The following DPY19L4 variants were observed in gnomAD, a reference collection of about 807,000 sequenced individuals.
DPY19L4 encodes dpy-19 like 4.
DPY19L4 carries 97 observed loss-of-function variants against 102.8 expected under a neutral mutation model. That is an observed-to-expected ratio of 0.94 (90% CI 0.80 to 1.12). The LOEUF (loss-of-function observed/expected upper bound fraction) is 1.12. Ranked by LOEUF, DPY19L4 falls within the 50% of genes most tolerant of loss-of-function variation. DPY19L4 has a pLI of 0.00. For synonymous variants in DPY19L4, 252 were observed against 283.1 expected (o/e 0.89, Z 1.10); for missense variants, 815 against 850.4 (o/e 0.96, Z 0.52).
At chr8:94,748,396 C>T (rs1008515974) in intron 6 of DPY19L4, among the ~76,000 whole-genome samples, 3 of 152,124 alleles carry the variant, frequency 2.0e-5, no homozygotes, top group Admixed American at 6.6e-5. Flanking sequence ...GGAGTGGTTG[C>T]TGGGGTCCTT....
chr8:94,725,544 T>C (rs1405870151), intron 1 of DPY19L4, among the ~76,000 whole-genome samples: 1 of 152,192 alleles, frequency 6.6e-6, no homozygotes, highest in Admixed American at 6.5e-5. Context: ...ATCTATAAGA[T>C]TGTACAATGC....
chr8:94,732,963 A>G (rs1320245529), intron 2 of DPY19L4, among the ~76,000 whole-genome samples: 1 of 151,548 alleles, frequency 6.6e-6, no homozygotes, highest in African/African-American at 2.4e-5. Flanking sequence ...GGCACCCGCC[A>G]CCACCACATG....
chr8:94,777,727 G>C lies in DPY19L4; in HGVS notation c.1516G>C (p.Glu506Gln). ...MLAAFGVCSPELWMTLFKWLR... is the reference protein window; with the variant it reads ...MLAAFGVCSPQLWMTLFKWLR... ...AGCAGCATTTGGTGTATGTTCTCCCGAACTTTGGATGACACTTTTCAAGTG... is the reference window on the plus strand; with the variant it reads ...AGCAGCATTTGGTGTATGTTCTCCCCAACTTTGGATGACACTTTTCAAGTG... Residue 506 changes from glutamate (E) to glutamine (Q), a missense_variant, in exon 14 of 19, where the codon GAA (glutamate) becomes CAA (glutamine). Coordinates refer to ENST00000414645, the MANE Select transcript of DPY19L4 (RefSeq NM_181787.3). 6.2e-7 allele frequency: 1 copy of C among 1,613,960 alleles called. No homozygotes were observed.
Position 94,787,991 on chromosome 8 carries a change from A to G in DPY19L4, c.1946A>G (p.Asn649Ser), listed in dbSNP as rs138032429. 12 of 1,522,286 alleles carry G rather than the reference A, an allele frequency of 7.9e-6. No homozygotes were observed. Among genetic ancestry groups the G allele is most frequent in the Admixed American group, 2.0e-5 (1 of 49,152 alleles). 94.3% of individuals were successfully genotyped at this position (1,522,286 alleles called of 1,614,324 possible). The change falls in exon 18 of 19, where the codon AAT (asparagine) becomes AGT (serine). Residue 649 changes from asparagine (N) to serine (S), a missense_variant. By Grantham distance (46) the Asn-to-Ser change is conservative. Coordinates refer to ENST00000414645, the MANE Select transcript of DPY19L4 (RefSeq NM_181787.3). ...NYLIVEDAIC[N>S]EVGPMRGCRV... The stretch of plus-strand genomic sequence containing the variant: ...CTAATTGTAGAGGATGCTATCTGCA[A>G]TGAGGTGGGACCCATGAGAGGCTGT...
In DPY19L4 at chr8:94,791,988, T is replaced by A. The variant is rs1457259502; in HGVS notation, c.*2078T>A. ...ACTGCAGTTAATAGTACTAGACAAC[T>A]TTAAGTGGAAAGCATTTAGTTTATT... On this transcript the variant is annotated 3_prime_UTR_variant, in exon 19 of 19. Coordinates refer to ENST00000414645, the MANE Select transcript of DPY19L4 (RefSeq NM_181787.3). 6.6e-6 allele frequency: 1 copy of A among 152,190 alleles called. No homozygotes were observed. The highest frequency in any genetic ancestry group is 1.5e-5 in the Non-Finnish European group (1 of 68,036). The allele number at this position is 152,190 out of a possible 1,614,324, so 9.4% of individuals were successfully genotyped here. A position where few individuals can be genotyped will look rare whatever the true frequency, so the allele number is the denominator to read the frequency against.
chr8:94,739,106 T>C (rs1811322445), intron 4 of DPY19L4, among the ~76,000 whole-genome samples: 1 of 152,142 alleles, frequency 6.6e-6, no homozygotes, highest in Non-Finnish European at 1.5e-5. Flanking sequence ...CTAGAAGTTA[T>C]TTTTCCTATC....
rs1812781687 is a variant in DPY19L4 at position 94,768,551 on chromosome 8, T to A, written c.1332T>A (p.Ile444=). 6.8e-7 allele frequency: 1 copy of A among 1,465,420 alleles called. No individual in the cohort carries two copies. Among genetic ancestry groups the A allele is most frequent in the African/African-American group, 1.4e-5 (1 of 70,538 alleles). The allele number at this position is 1,465,420 out of a possible 1,614,324, so 90.8% of individuals were successfully genotyped here. The change falls in exon 12 of 19, where the codon ATT becomes ATA. Residue 444 remains isoleucine (I), a splice_region_variant and synonymous_variant. Coordinates refer to ENST00000414645, the MANE Select transcript of DPY19L4 (RefSeq NM_181787.3). ...LSMLQVIFRR[I]NGKSLKETVT... is the part of the protein sequence containing the mutation. ...TGTTGCAAGTTATTTTTAGGAGGAT[T>A]AAGTAAGTACCTATGAGAATCAATC...
chr8:94,765,777 A>G lies in DPY19L4; in HGVS notation c.1069A>G (p.Thr357Ala). 6.3e-7 allele frequency: 1 copy of G among 1,590,978 alleles called. No homozygotes were observed. The highest frequency in any genetic ancestry group is 8.6e-7 in the Non-Finnish European group (1 of 1,162,746). The change falls in exon 10 of 19, where the codon ACT becomes GCT. Residue 357 changes from threonine (T) to alanine (A), a missense_variant. Transcript: ENST00000414645. The part of the protein sequence containing the change: ...IKVINFYLVC[T>A]LTITLNIIMK... Reference sequence around the variant, plus strand: ...AGTGATTAATTTTTACTTGGTGTGTACTCTGACAATAACATTGAATATTAT... The same window carrying G: ...AGTGATTAATTTTTACTTGGTGTGTGCTCTGACAATAACATTGAATATTAT...
At position 94,738,448 on chromosome 8, in the gene DPY19L4, C is replaced by A; in HGVS notation, c.332C>A (p.Ser111Ter). The A allele has an allele frequency of 6.5e-7, 1 of 1,532,376 alleles. No homozygotes were observed. The highest frequency in any genetic ancestry group is 8.8e-7 in the Non-Finnish European group (1 of 1,137,166). The allele number at this position is 1,532,376 out of a possible 1,614,324, so 94.9% of individuals were successfully genotyped here. A position where few individuals can be genotyped will look rare whatever the true frequency, so the allele number is the denominator to read the frequency against. Reference sequence around the variant, plus strand: ...TATAAAGATATGTTAAAGGCACCTTCATTTGAAAGAGGTATGATAATCACA... The same window carrying A: ...TATAAAGATATGTTAAAGGCACCTTAATTTGAAAGAGGTATGATAATCACA... ...SYYKDMLKAP[S>*]FERGVYELTH... Residue 111 changes from serine (S) to a stop codon, truncating the protein, a stop_gained, in exon 4 of 19, where the codon TCA (serine) becomes TAA (stop). Transcript: ENST00000414645. LOFTEE classifies it high-confidence loss of function.
chr8:94,730,665 A>C (rs887415801), intron 2 of DPY19L4, among the ~76,000 whole-genome samples: 27 of 149,844 alleles, frequency 1.8e-4, no homozygotes, highest in African/African-American at 6.3e-4. Flanking sequence ...GAATCGCTTG[A>C]ACCCAGGAGG....
At position 94,766,557 on chromosome 8, in the gene DPY19L4, A is replaced by G. The variant is rs2130890879; in HGVS notation, c.1102-55A>G. 8 of 1,528,646 alleles carry G rather than the reference A, an allele frequency of 5.2e-6. No individual in the cohort carries two copies. In the East Asian group the frequency reaches 1.6e-4, roughly 30 times the overall value. The allele number at this position is 1,528,646 out of a possible 1,614,324, so 94.7% of individuals were successfully genotyped here. On this transcript the variant is annotated intron_variant, in intron 10 of 18. Transcript: ENST00000414645. ...CTGTCTCTAGTATTGGGGAAAGCAT[A>G]TGTTTGTAAGCATAGCTAATATTTC...
At chr8:94,745,760 A>T (rs951492489) in intron 6 of DPY19L4, among the ~76,000 whole-genome samples, 4 of 149,478 alleles carry the variant, frequency 2.7e-5, no homozygotes, top group South Asian at 2.1e-4. Flanking sequence ...TTTGTAATAA[A>T]TTTTTTTTTT....
intron 3 of DPY19L4, among the ~76,000 whole-genome samples, chr8:94,736,549 T>C (rs2130810565): frequency 6.6e-6 from 1 of 152,368 alleles, no homozygotes; most frequent in South Asian, 2.1e-4. Context: ...TATTTTTGTA[T>C]TAATTGATAC....
chr8:94,729,320 C>T (rs765421506), intron 2 of DPY19L4, among the ~76,000 whole-genome samples: 1 of 151,728 alleles, frequency 6.6e-6, no homozygotes, highest in East Asian at 1.9e-4. Context: ...CACAATGAGC[C>T]GAGATTGTGC....
chr8:94,782,416 A>G (rs757484867), intron 16 of DPY19L4, among the ~76,000 whole-genome samples: 45 of 152,018 alleles, frequency 3.0e-4, no homozygotes, highest in Non-Finnish European at 5.6e-4. Flanking sequence ...GGTGCTTACT[A>G]TTGTCCTATT....
At chr8:94,771,795 G>T (rs2130905993) in intron 13 of DPY19L4, among the ~76,000 whole-genome samples, 1 of 152,276 alleles carries the variant, frequency 6.6e-6, no homozygotes, top group East Asian at 1.9e-4. Flanking sequence ...GGCAGGCTTT[G>T]TTGAGGACTT....
intron 18 of DPY19L4, among the ~76,000 whole-genome samples, chr8:94,788,502 G>T (rs966911655): frequency 2.0e-5 from 3 of 152,274 alleles, no homozygotes; most frequent in Admixed American, 2.0e-4. Context: ...CCTGTACATT[G>T]AGTCCCTATT....
At chr8:94,760,519 A>C (rs1812353843) in intron 7 of DPY19L4, among the ~76,000 whole-genome samples, 1 of 152,210 alleles carries the variant, frequency 6.6e-6, no homozygotes, top group Non-Finnish European at 1.5e-5. Flanking sequence ...CTCTGGTCTT[A>C]ATCTTATTCA....
At chr8:94,777,922 G>T (rs1343678725) in intron 14 of DPY19L4, 136 bp downstream of exon 14, 10 of 1,128,092 alleles carry the variant, frequency 8.9e-6, no homozygotes, top group Admixed American at 6.0e-5. Context: ...CAGATCCTGC[G>T]CAAAACATTT....
Sources: gnomAD v4.1 joint callset for allele counts (sites outside exome capture counted in the v4.1 genomes callset) on GRCh38, gnomAD v4.1.1 for gene constraint, MANE v1.5 for transcripts, NCBI Gene and HGNC (gene_info 2026-07-23, HGNC 2026-07-21) for gene names.